The following RBM27 variants were observed in gnomAD, a reference collection of about 807,000 sequenced individuals.
RBM27 encodes RNA-binding protein 27.
RBM27 carries 22 observed loss-of-function variants against 135.3 expected under a neutral mutation model. That is an observed-to-expected ratio of 0.16 (90% confidence interval 0.12 to 0.23). The LOEUF is 0.23. Among genes scored for constraint, RBM27 ranks in the 10% least tolerant of loss-of-function variants. RBM27 has a pLI of 1.00. For synonymous variants in RBM27, 481 were observed against 442.4 expected (o/e 1.09, Z -1.10); for missense variants, 1,009 against 1,281.0 (o/e 0.79, Z 3.24).
chr5:146,222,133 T>TTC (rs1756485539), intron 2 of RBM27, among the ~76,000 whole-genome samples: 1 of 152,236 alleles, frequency 6.6e-6, no homozygotes, highest in East Asian at 1.9e-4. Context: ...AGGGTCTGAT[T>TTC]ATTGTCTTAA....
intron 11 of RBM27, among the ~76,000 whole-genome samples, chr5:146,260,248 G>A (rs1758332650): frequency 1.3e-5 from 2 of 151,732 alleles, no homozygotes; most frequent in Admixed American, 6.6e-5. Context: ...GCAGTGGGCC[G>A]AGATTGTTCC....
intron 17 of RBM27, 93 bp downstream of exon 17, chr5:146,269,677 A>G (rs1281632537): frequency 4.8e-6 from 4 of 827,970 alleles, no homozygotes; most frequent in Non-Finnish European, 6.8e-6. Context: ...TTAGGTAGCT[A>G]ATATCCTAAC....
In RBM27 at chr5:146,233,616, AGGCCCAGGCCCG is replaced by A; in HGVS notation, c.1026_1037del (p.Pro355_Gly358del). 1.9e-6 allele frequency: 3 copies of A among 1,601,474 alleles called. No homozygotes were observed. The highest frequency in any genetic ancestry group is 1.7e-4 in the Middle Eastern group (1 of 6,002). Reference sequence around the variant, plus strand: ...TGTTAATGCCTCCAATGCCAGGTCCAGGCCCAGGCCCGGGCCCAGGTCCAGGCCCAGGCCCGG... The same window carrying A: ...TGTTAATGCCTCCAATGCCAGGTCCAGGCCCAGGTCCAGGCCCAGGCCCGG... On this transcript the variant is annotated inframe_deletion, in exon 7 of 21. Transcript: ENST00000265271.
rs937499706 is a variant in RBM27, at chr5:146,215,130, A to T, written c.60-3855A>T. ...ACTGGCGTGATCTCGGCTTGCTGCAACCTCTGCCTCCCAGGCTCAAGCAGT... is the reference window on the plus strand; with the variant it reads ...ACTGGCGTGATCTCGGCTTGCTGCATCCTCTGCCTCCCAGGCTCAAGCAGT... On this transcript the variant is annotated intron_variant, in intron 1 of 20. Transcript: ENST00000265271. 3.9e-5 allele frequency among the ~76,000 whole-genome samples: 6 copies of T among 152,144 alleles called. No homozygotes were observed. The East Asian group carries it at 1.2e-3, about 29-fold the overall frequency.
intron 3 of RBM27, among the ~76,000 whole-genome samples, chr5:146,227,129 C>T (rs984143843): frequency 2.6e-5 from 4 of 152,186 alleles, no homozygotes; most frequent in African/African-American, 9.7e-5. Context: ...TGTTGATCAC[C>T]AGGGTAAGAG....
Position 146,229,775 on chromosome 5 carries a change from C to T in RBM27, c.454C>T (p.Arg152Trp), listed in dbSNP as rs766412795. ...GAGAGACTATGACCGGTACTATGAG[C>T]GGAATGAATTGTACCGTGAGAAGTA... ...KWRDYDRYYE[R>W]NELYREKYDW... Residue 152 changes from arginine to tryptophan, a missense_variant, in exon 5 of 21, where the codon CGG becomes TGG. By Grantham distance (101) the Arg-to-Trp change is moderately radical. This residue lies in a region of RBM27 where 268 missense variants were observed against 326.6 expected (regional missense o/e 0.82). Transcript: ENST00000265271. The T allele has an allele frequency of 5.3e-5, 86 of 1,612,366 alleles. No homozygotes were observed. Among genetic ancestry groups the T allele is most frequent in the Non-Finnish European group, 7.0e-5 (83 of 1,178,924 alleles).
rs1220771635 is a variant in RBM27 at position 146,271,692 on chromosome 5, C to T, written c.2988+18C>T. 2 of 1,581,948 alleles carry T rather than the reference C, an allele frequency of 1.3e-6. No individual in the cohort carries two copies. The highest frequency in any genetic ancestry group is 2.7e-5 in the African/African-American group (2 of 74,124). On this transcript the variant is annotated intron_variant, in intron 19 of 20. Transcript: ENST00000265271. The stretch of plus-strand genomic sequence containing the variant: ...ATTTCTCAGTAAGTTTTTAAAATAG[C>T]AAATGCTAACTGTAAAAACACTGTG...
Position 146,203,778 on chromosome 5 carries a change from G to A in RBM27, c.13G>A (p.Asp5Asn), listed in dbSNP as rs780345094. 9 of 1,550,458 alleles carry A rather than the reference G, an allele frequency of 5.8e-6. No homozygotes were observed. In the Admixed American group the frequency reaches 5.9e-5, roughly 10 times the overall value. Residue 5 changes from aspartate (D) to asparagine (N), a missense_variant, in exon 1 of 21, where the codon GAT becomes AAT. By Grantham distance (23) the Asp-to-Asn change is conservative. Coordinates refer to ENST00000265271, the MANE Select transcript of RBM27 (RefSeq NM_018989.2). MLIEDVDALKSWLAK... is the reference protein window; with the variant it reads MLIENVDALKSWLAK... ...CCTTCCCTGCACCATGCTCATAGAG[G>A]ATGTGGATGCCCTCAAGTCCTGGCT...
Position 146,203,730 on chromosome 5 carries a change from A to T in RBM27, c.-36A>T. On this transcript the variant is annotated 5_prime_UTR_variant, in exon 1 of 21. Coordinates refer to ENST00000265271, the MANE Select transcript of RBM27 (RefSeq NM_018989.2). Reference sequence around the variant, plus strand: ...GTAGTGGAGACCCACGGCAGGCCTGAAGAAGAGCGGCGGCCGAGCCCGCCT... The same window carrying T: ...GTAGTGGAGACCCACGGCAGGCCTGTAGAAGAGCGGCGGCCGAGCCCGCCT... 2 of 1,545,986 alleles carry T rather than the reference A, an allele frequency of 1.3e-6. No homozygotes were observed. The highest frequency in any genetic ancestry group is 1.7e-6 in the Non-Finnish European group (2 of 1,142,940).
chr5:146,286,914 G>T lies in RBM27; in HGVS notation c.*884G>T, dbSNP rs747861986. On this transcript the variant is annotated 3_prime_UTR_variant, in exon 21 of 21. Transcript: ENST00000265271. ...ATATAAGTGGTTCATTTGGGCAACC[G>T]CAGGCAGTCTCCAATAAAAGGTTCA... is the stretch of plus-strand genomic sequence containing the variant. The T allele has an allele frequency of 1.3e-5, 2 of 152,482 alleles. No homozygotes were observed. The highest frequency in any genetic ancestry group is 3.9e-4 in the East Asian group (2 of 5,178). The allele number at this position is 152,482 out of a possible 1,614,324, so 9.4% of individuals were successfully genotyped here.
At chr5:146,241,530 A>G (rs148188262) in intron 8 of RBM27, among the ~76,000 whole-genome samples, 260 of 152,258 alleles carry the variant, frequency 1.7e-3, no homozygotes, top group African/African-American at 6.0e-3. Context: ...TGCCCAGGCT[A>G]GAGTGCAGTG....
At chr5:146,255,230 G>A (rs1047335257) in intron 10 of RBM27, 138 bp downstream of exon 10, 11 of 601,214 alleles carry the variant, frequency 1.8e-5, no homozygotes, top group South Asian at 4.4e-5. Context: ...AGGGTGCTAT[G>A]TATTAATCTC....
rs372527143 is a variant in RBM27 at position 146,229,763 on chromosome 5, C to T, written c.442C>T (p.Arg148Trp). The change falls in exon 5 of 21, where the codon CGG becomes TGG. Residue 148 changes from arginine (R) to tryptophan (W), a missense_variant. Arg to Trp is a moderately radical substitution (Grantham distance 101). This residue lies in a region of RBM27 where 268 missense variants were observed against 326.6 expected (regional missense o/e 0.82). Transcript: ENST00000265271. ...AGACGGGAAATGGAGAGACTATGAC[C>T]GGTACTATGAGCGGAATGAATTGTA... ...REDGKWRDYD[R>W]YYERNELYRE... 17 of 1,612,186 alleles carry T rather than the reference C, an allele frequency of 1.1e-5. No homozygotes were observed. The highest frequency in any genetic ancestry group is 5.5e-5 in the South Asian group (5 of 91,018).
At chr5:146,233,306 A>G in intron 6 of RBM27, 144 bp from the exon 7 acceptor site, 3 of 1,305,922 alleles carry the variant, frequency 2.3e-6, no homozygotes, top group Non-Finnish European at 3.0e-6. Context: ...TGTGATGCTT[A>G]ACAGAGTAAC....
chr5:146,205,160 A>G (rs1170385769), intron 1 of RBM27, among the ~76,000 whole-genome samples: 2 of 152,242 alleles, frequency 1.3e-5, no homozygotes, highest in Non-Finnish European at 2.9e-5. Context: ...GGCCTCCCAA[A>G]GTGCTGGGAT....
chr5:146,240,032 G>A (rs777779497), intron 8 of RBM27, among the ~76,000 whole-genome samples: 10 of 151,782 alleles, frequency 6.6e-5, no homozygotes, highest in Non-Finnish European at 1.0e-4. Flanking sequence ...CCACCTGAGC[G>A]TCCCAAAGGG....
Position 146,269,590 on chromosome 5 carries a change from T to TA in RBM27, c.2691+7dup, listed in dbSNP as rs1758773312. On this transcript the variant is annotated splice_region_variant and intron_variant, in intron 17 of 20. Coordinates refer to ENST00000265271, the MANE Select transcript of RBM27 (RefSeq NM_018989.2). ...AAGTGAAGACAAAAACGGAGGTATCTATTTGCATTTTTTATTTAACATAGG... is the reference window on the plus strand; with the variant it reads ...AAGTGAAGACAAAAACGGAGGTATCTAATTTGCATTTTTTATTTAACATAGG... 6.6e-7 allele frequency: 1 copy of TA among 1,518,910 alleles called. No homozygotes were observed. The highest frequency in any genetic ancestry group is 8.8e-7 in the Non-Finnish European group (1 of 1,140,812). The allele number at this position is 1,518,910 out of a possible 1,614,324, so 94.1% of individuals were successfully genotyped here. A position where few individuals can be genotyped will look rare whatever the true frequency, so the allele number is the denominator to read the frequency against.
At chr5:146,268,036 G>A (rs1758692660) in intron 15 of RBM27, among the ~76,000 whole-genome samples, 1 of 151,754 alleles carries the variant, frequency 6.6e-6, no homozygotes, top group Non-Finnish European at 1.5e-5. Flanking sequence ...GGTAGATAAT[G>A]ATTCATATAA....
Position 146,263,668 on chromosome 5 carries a change from C to T in RBM27, c.2331+37C>T, listed in dbSNP as rs769697274. On this transcript the variant is annotated intron_variant, in intron 14 of 20. Coordinates refer to ENST00000265271, the MANE Select transcript of RBM27 (RefSeq NM_018989.2). ...TGGGAGCTTCAGATATATTTAGAAT[C>T]ATTCAGTGAATTAACAGAATAAATC... The T allele has an allele frequency of 9.4e-6, 15 of 1,602,332 alleles. No individual in the cohort carries two copies. The Middle Eastern group carries it at 5.0e-4, about 53-fold the overall frequency.
Sources: allele counts gnomAD v4.1 joint callset (sites outside exome capture counted in the v4.1 genomes callset), GRCh38; gene constraint gnomAD v4.1.1; regional missense constraint gnomAD v4.1.1; transcripts MANE v1.5; gene names NCBI Gene and HGNC (gene_info 2026-07-23, HGNC 2026-07-21).